Variants in NRIP1 observed in about 807,000 individuals in gnomAD.
NRIP1 encodes nuclear receptor interacting protein 1, also known as nuclear receptor-interacting protein 1.
A neutral mutation model predicts 75.0 loss-of-function variants in NRIP1; 28 were observed. The observed-to-expected ratio is 0.37, with a 90% CI of 0.28 to 0.51. The LOEUF (loss-of-function observed/expected upper bound fraction) is 0.51. Ranked by LOEUF, NRIP1 falls within the 20% of genes least tolerant of loss-of-function variation. NRIP1 has a pLI of 0.92. For synonymous variants in NRIP1, 526 were observed against 487.6 expected (o/e 1.08, Z -1.04); for missense variants, 1,435 against 1,343.7 (o/e 1.07, Z -1.06).
intron 2 of NRIP1, among the ~76,000 whole-genome samples, chr21:15,016,978 G>C (rs1311544879): frequency 6.7e-6 from 1 of 150,266 alleles, no homozygotes; most frequent in Non-Finnish European, 1.5e-5. Context: ...AAAGAAAAGA[G>C]AAAGAAAGAA....
At chr21:14,974,695 T>C (rs139716398) in intron 3 of NRIP1, among the ~76,000 whole-genome samples, 78 of 152,358 alleles carry the variant, frequency 5.1e-4, no homozygotes, top group African/African-American at 1.8e-3. Context: ...GAGTGTTGAA[T>C]ACCGAGCAAT....
chr21:15,056,323 A>C (rs2089306227), intron 1 of NRIP1, among the ~76,000 whole-genome samples: 1 of 151,836 alleles, frequency 6.6e-6, no homozygotes. Context: ...TGTGACTTTG[A>C]CTCAGGTCAG....
intron 3 of NRIP1, among the ~76,000 whole-genome samples, chr21:14,969,605 A>G (rs1215102455): frequency 6.6e-6 from 1 of 152,198 alleles, no homozygotes; most frequent in East Asian, 1.9e-4. Flanking sequence ...AATTCCATGC[A>G]GTTTGTTTTT....
At chr21:14,974,981 A>G (rs1339992539) in intron 3 of NRIP1, among the ~76,000 whole-genome samples, 1 of 152,050 alleles carries the variant, frequency 6.6e-6, no homozygotes, top group Non-Finnish European at 1.5e-5. Context: ...GTGTGATGTT[A>G]TCAGCCTGCA....
At chr21:15,025,838 A>C (rs2088503898) in intron 2 of NRIP1, among the ~76,000 whole-genome samples, 2 of 152,242 alleles carry the variant, frequency 1.3e-5, no homozygotes, top group African/African-American at 2.4e-5. Context: ...ATGGTCTTCT[A>C]ACATGCCAGT....
chr21:15,030,260 T>C (rs1214105531), intron 2 of NRIP1, among the ~76,000 whole-genome samples: 1 of 152,222 alleles, frequency 6.6e-6, no homozygotes, highest in Non-Finnish European at 1.5e-5. Flanking sequence ...ATACTCCAAA[T>C]TTTTTGTTGA....
intron 2 of NRIP1, among the ~76,000 whole-genome samples, chr21:15,024,567 AGTGTGTGTGTGT>A (rs60376904): frequency 4.1e-5 from 6 of 145,562 alleles, no homozygotes; most frequent in Non-Finnish European, 9.1e-5. Flanking sequence ...TGGTATCCAG[AGTGTGTGTGTGT>A]GTGTGTGTGT....
chr21:15,039,806 T>G (rs1261851679), intron 2 of NRIP1, among the ~76,000 whole-genome samples: 2 of 152,110 alleles, frequency 1.3e-5, no homozygotes, highest in Non-Finnish European at 2.9e-5. Context: ...GAATCTACTG[T>G]TACAGATTTT....
intron 2 of NRIP1, among the ~76,000 whole-genome samples, chr21:15,018,549 T>C (rs1046705989): frequency 1.3e-5 from 2 of 152,178 alleles, no homozygotes; most frequent in African/African-American, 4.8e-5. Context: ...AAATAGTGTA[T>C]GCAAAGGACG....
At chr21:14,991,847 CAA>C (rs1249188275) in intron 3 of NRIP1, among the ~76,000 whole-genome samples, 1 of 152,140 alleles carries the variant, frequency 6.6e-6, no homozygotes, top group Non-Finnish European at 1.5e-5. Flanking sequence ...AAAGATTTGT[CAA>C]AAGACTTCCT....
chr21:15,035,128 A>G (rs1436802900), intron 2 of NRIP1, among the ~76,000 whole-genome samples: 1 of 152,172 alleles, frequency 6.6e-6, no homozygotes, highest in African/African-American at 2.4e-5. Context: ...TAAAGCCATC[A>G]TTTTCCATAC....
At position 14,966,233 on chromosome 21, in the gene NRIP1, G is replaced by C; in HGVS notation, c.1960C>G (p.Leu654Val). ...GGTTTATCTGTGTTTCCAGTTAACA[G>C]CTGTTTGCTGGGTCTCTGCTCTTCC... ...SVEEQRPSKQ[L>V]LTGNTDKPIG... The change falls in exon 4 of 4, where the codon CTG becomes GTG. Residue 654 changes from leucine to valine, a missense_variant. By Grantham distance (32) the Leu-to-Val change is conservative. Coordinates refer to ENST00000318948, the MANE Select transcript of NRIP1 (RefSeq NM_003489.4). 6.2e-7 allele frequency: 1 copy of C among 1,613,998 alleles called. No individual in the cohort carries two copies. Among genetic ancestry groups the C allele is most frequent in the Non-Finnish European group, 8.5e-7 (1 of 1,179,944 alleles).
Position 14,965,874 on chromosome 21 carries a change from G to A in NRIP1, c.2319C>T (p.Ser773=). The A allele has an allele frequency of 6.2e-7, 1 of 1,614,082 alleles. No individual in the cohort carries two copies. Among genetic ancestry groups the A allele is most frequent in the South Asian group, 1.1e-5 (1 of 91,082 alleles). The change falls in exon 4 of 4, where the codon AGC becomes AGT. Residue 773 remains serine (S), a synonymous_variant. Transcript: ENST00000318948. ...LQIPNTNVHL[S]HDAKSAPFLG... ...AGAATGGGGCACTCTTAGCATCATGGCTCAAGTGCACATTTGTGTTAGGAA... is the reference window on the plus strand; with the variant it reads ...AGAATGGGGCACTCTTAGCATCATGACTCAAGTGCACATTTGTGTTAGGAA...
At chr21:15,057,310 C>A (rs1600940061) in intron 1 of NRIP1, among the ~76,000 whole-genome samples, 1 of 152,162 alleles carries the variant, frequency 6.6e-6, no homozygotes, top group Admixed American at 6.5e-5. Flanking sequence ...AGTTTAAGAC[C>A]ATGACAAGCT....
Position 14,966,008 on chromosome 21 carries a change from CTTT to C in NRIP1, c.2182_2184del (p.Lys728del), listed in dbSNP as rs776154715. 1 of 1,611,322 alleles carries C rather than the reference CTTT, an allele frequency of 6.2e-7. No individual in the cohort carries two copies. Among genetic ancestry groups the C allele is most frequent in the East Asian group, 2.2e-5 (1 of 44,862 alleles). ...CTTTCATCTCTTAAGGGAGTTTTCT[CTTT>C]TTTTTCACTCTTCCCTTTGTTGGGG... On this transcript the variant is annotated inframe_deletion, in exon 4 of 4. Coordinates refer to ENST00000318948, the MANE Select transcript of NRIP1 (RefSeq NM_003489.4).
At chr21:15,055,914 T>C (rs2089296010) in intron 1 of NRIP1, among the ~76,000 whole-genome samples, 1 of 151,886 alleles carries the variant, frequency 6.6e-6, no homozygotes, top group African/African-American at 2.4e-5. Context: ...GACCCCATTG[T>C]ATCACATGGA....
At chr21:15,061,744 T>C (rs2089427829) in intron 1 of NRIP1, among the ~76,000 whole-genome samples, 1 of 152,196 alleles carries the variant, frequency 6.6e-6, no homozygotes, top group South Asian at 2.1e-4. Flanking sequence ...TTACATTCTT[T>C]ACGTTTTAAA....
chr21:14,973,384 GC>G (rs2086957916), intron 3 of NRIP1, among the ~76,000 whole-genome samples: 1 of 152,092 alleles, frequency 6.6e-6, no homozygotes, highest in African/African-American at 2.4e-5. Context: ...TTACTAGCCT[GC>G]CTTTAAACAT....
At chr21:15,015,107 T>C (rs1025758529) in intron 2 of NRIP1, among the ~76,000 whole-genome samples, 1 of 152,118 alleles carries the variant, frequency 6.6e-6, no homozygotes, top group Admixed American at 6.5e-5. Context: ...ACACAACACA[T>C]ACGGAAAATA....
Sources: gnomAD v4.1 joint callset for allele counts (sites outside exome capture counted in the v4.1 genomes callset) on GRCh38, gnomAD v4.1.1 for gene constraint, MANE v1.5 for transcripts, NCBI Gene and HGNC (gene_info 2026-07-23, HGNC 2026-07-21) for gene names.